KCNH8: variants seen among roughly 807,000 people sequenced by gnomAD.
KCNH8 encodes the protein voltage-gated delayed rectifier potassium channel KCNH8.
KCNH8 carries 70 observed loss-of-function variants against 103.6 expected under a neutral mutation model. The observed-to-expected ratio is 0.68, with a 90% CI of 0.56 to 0.82. The LOEUF is 0.82. Among genes scored for constraint, KCNH8 ranks in the 40% least tolerant of loss-of-function variants. The pLI is 0.00. For synonymous variants in KCNH8, 498 were observed against 489.4 expected (o/e 1.02, Z -0.23); for missense variants, 1,217 against 1,329.9 (o/e 0.92, Z 1.32).
intron 5 of KCNH8, among the ~76,000 whole-genome samples, chr3:19,373,457 G>T (rs548604499): frequency 6.6e-6 from 1 of 151,990 alleles, no homozygotes; most frequent in African/African-American, 2.4e-5. Flanking sequence ...CGGTGGTTAT[G>T]TCCCGTTTAT....
At chr3:19,322,889 A>G (rs2065368554) in intron 3 of KCNH8, among the ~76,000 whole-genome samples, 1 of 151,904 alleles carries the variant, frequency 6.6e-6, no homozygotes, top group African/African-American at 2.4e-5. Context: ...TAATTTTTTT[A>G]TTCTTTTTTC....
At position 19,492,265 on chromosome 3, in the gene KCNH8, A is replaced by G. The variant is rs141767841; in HGVS notation, c.2041-18098A>G. On this transcript the variant is annotated intron_variant, in intron 11 of 15. Transcript: ENST00000328405. ...TTCTTTGCCAACACTAATGTCAAGA[A>G]GAGTACTTCCTAGGTTTTCGTCTAA... Among the ~76,000 whole-genome samples, 677 of 152,274 alleles carry G rather than the reference A, an allele frequency of 4.4e-3. 4 individuals carry two copies. The highest frequency in any genetic ancestry group is 0.02 in the South Asian group (95 of 4,822).
chr3:19,290,850 G>A (rs1206679223), intron 3 of KCNH8, among the ~76,000 whole-genome samples: 2 of 152,132 alleles, frequency 1.3e-5, no homozygotes, highest in African/African-American at 4.8e-5. Flanking sequence ...ACCTGTGGTA[G>A]AATTCGGCTA....
chr3:19,497,414 G>C (rs2068466672), intron 11 of KCNH8, among the ~76,000 whole-genome samples: 1 of 152,084 alleles, frequency 6.6e-6, no homozygotes, highest in African/African-American at 2.4e-5. Context: ...CACCGCCTTA[G>C]CTGTGTCCCA....
chr3:19,305,855 G>GA (rs2065123289), intron 3 of KCNH8, among the ~76,000 whole-genome samples: 1 of 152,004 alleles, frequency 6.6e-6, no homozygotes, highest in Non-Finnish European at 1.5e-5. Context: ...CGAAGAGATG[G>GA]AAAGAGGGTA....
intron 7 of KCNH8, among the ~76,000 whole-genome samples, chr3:19,405,600 C>G (rs1268503697): frequency 6.6e-6 from 1 of 151,782 alleles, no homozygotes; most frequent in Non-Finnish European, 1.5e-5. Flanking sequence ...GCTTGATATA[C>G]ATTGATGCTT....
intron 1 of KCNH8, among the ~76,000 whole-genome samples, chr3:19,166,912 A>G (rs1291098385): frequency 5.9e-5 from 9 of 152,224 alleles, no homozygotes; most frequent in African/African-American, 1.9e-4. Context: ...ACTAGTGGTT[A>G]GTATAGAAGG....
At chr3:19,234,784 C>T (rs905925687) in intron 1 of KCNH8, among the ~76,000 whole-genome samples, 14 of 152,244 alleles carry the variant, frequency 9.2e-5, no homozygotes, top group African/African-American at 3.4e-4. Flanking sequence ...GCCGTGAGCA[C>T]TGCCAGCACG....
intron 3 of KCNH8, among the ~76,000 whole-genome samples, chr3:19,305,632 T>C (rs2065120093): frequency 6.7e-6 from 1 of 150,194 alleles, no homozygotes; most frequent in South Asian, 2.1e-4. Context: ...TTTTTATTAG[T>C]AATAATGAAA....
At chr3:19,488,255 T>G (rs1385881428) in intron 11 of KCNH8, among the ~76,000 whole-genome samples, 2 of 152,234 alleles carry the variant, frequency 1.3e-5, no homozygotes, top group African/African-American at 4.8e-5. Context: ...AGACTGGGTA[T>G]TCTTCCCAGA....
chr3:19,363,528 A>G (rs1042157996), intron 5 of KCNH8, among the ~76,000 whole-genome samples: 1 of 152,160 alleles, frequency 6.6e-6, no homozygotes, highest in Non-Finnish European at 1.5e-5. Flanking sequence ...TCTGAGTTCA[A>G]TATTTAGTAT....
At chr3:19,367,915 CAA>C (rs1020883171) in intron 5 of KCNH8, among the ~76,000 whole-genome samples, 10 of 152,072 alleles carry the variant, frequency 6.6e-5, no homozygotes, top group Non-Finnish European at 1.2e-4. Context: ...TGTTGGCTTA[CAA>C]GAGAGAGCAT....
At chr3:19,424,123 A>T (rs193301153) in intron 7 of KCNH8, among the ~76,000 whole-genome samples, 1 of 152,304 alleles carries the variant, frequency 6.6e-6, no homozygotes, top group African/African-American at 2.4e-5. Flanking sequence ...TAAAATTCAT[A>T]TGGAACCAAA....
At chr3:19,150,278 T>C (rs1180390601) in intron 1 of KCNH8, among the ~76,000 whole-genome samples, 2 of 152,140 alleles carry the variant, frequency 1.3e-5, no homozygotes, top group African/African-American at 4.8e-5. Context: ...TGCTGTGTTT[T>C]ACCATGCATG....
rs1429061909 is a variant in KCNH8 at position 19,534,231 on chromosome 3, C to T, written c.*132C>T. 4.6e-6 allele frequency: 3 copies of T among 654,770 alleles called. No homozygotes were observed. The highest frequency in any genetic ancestry group is 7.9e-6 in the Non-Finnish European group (3 of 382,058). 40.6% of individuals were successfully genotyped at this position (654,770 alleles called of 1,614,324 possible). On this transcript the variant is annotated 3_prime_UTR_variant, in exon 16 of 16. Transcript: ENST00000328405. The stretch of plus-strand genomic sequence containing the variant: ...TCCTGCAGAAAAGAGTGTGAGGAGC[C>T]AGGGAAAGGCAGAACCACCTCCATG...
chr3:19,338,231 A>C (rs1451445143), intron 3 of KCNH8, among the ~76,000 whole-genome samples: 1 of 151,804 alleles, frequency 6.6e-6, no homozygotes, highest in Non-Finnish European at 1.5e-5. Context: ...TCCTTTCATC[A>C]TATACTAACT....
At chr3:19,434,326 T>C (rs2067165046) in intron 7 of KCNH8, among the ~76,000 whole-genome samples, 1 of 152,230 alleles carries the variant, frequency 6.6e-6, no homozygotes, top group Admixed American at 6.5e-5. Flanking sequence ...TTCTCTGATA[T>C]TTGCTCTTAT....
At chr3:19,211,538 A>G (rs1161764640) in intron 1 of KCNH8, among the ~76,000 whole-genome samples, 1 of 152,218 alleles carries the variant, frequency 6.6e-6, no homozygotes, top group Non-Finnish European at 1.5e-5. Flanking sequence ...TTGAACCATC[A>G]GTGAGAAAGT....
intron 1 of KCNH8, among the ~76,000 whole-genome samples, chr3:19,183,815 C>A (rs527463628): frequency 2.0e-5 from 3 of 152,024 alleles, no homozygotes; most frequent in African/African-American, 7.2e-5. Context: ...GAAACTCTAG[C>A]GGTAAGTCAG....
Sources: allele counts gnomAD v4.1 joint callset (sites outside exome capture counted in the v4.1 genomes callset), GRCh38; gene constraint gnomAD v4.1.1; transcripts MANE v1.5; gene names NCBI Gene and HGNC (gene_info 2026-07-23, HGNC 2026-07-21).